Variants in ZNF705G observed in about 807,000 individuals in gnomAD.
ZNF705G encodes zinc finger protein 705G.
A neutral mutation model predicts 19.6 loss-of-function variants in ZNF705G; 23 were observed. That is an observed-to-expected ratio of 1.17 (90% CI 0.84 to 1.66). The LOEUF (loss-of-function observed/expected upper bound fraction) is 1.66. Among genes scored for constraint, ZNF705G ranks in the 40% most tolerant of loss-of-function variants. ZNF705G has a pLI of 0.00. For missense variants in ZNF705G, 457 were observed against 354.4 expected, an observed-to-expected ratio of 1.29 and a Z score of -2.32; for synonymous variants, 146 against 117.7, an observed-to-expected ratio of 1.24 and a Z score of -1.56.
chr8:7,383,546 G>C (rs1183069046), intron 1 of ZNF705G, among the ~76,000 whole-genome samples: 1 of 146,586 alleles, frequency 6.8e-6, no homozygotes, highest in Non-Finnish European at 1.5e-5. Context: ...GACAGAGGGA[G>C]GAAGGAGGTA....
At chr8:7,382,120 A>C (rs1224207874) in intron 1 of ZNF705G, among the ~76,000 whole-genome samples, 13 of 151,508 alleles carry the variant, frequency 8.6e-5, no homozygotes, top group Admixed American at 3.3e-4. Context: ...AGCATCCTTT[A>C]GTGGTGATGC....
chr8:7,381,711 A>T (rs1807505934), intron 1 of ZNF705G, 110 bp from the exon 2 acceptor site: 2 of 148,652 alleles, frequency 1.3e-5, no homozygotes, highest in African/African-American at 5.3e-5. Context: ...CATGGACATA[A>T]ATATGGTAAT....
intron 2 of ZNF705G, among the ~76,000 whole-genome samples, chr8:7,366,414 A>G (rs1806859957): frequency 6.7e-6 from 1 of 149,676 alleles, no homozygotes; most frequent in Non-Finnish European, 1.5e-5. Context: ...AGGAGAGAGG[A>G]AAAATCTCAC....
At chr8:7,364,323 T>C (rs988883825) in intron 2 of ZNF705G, among the ~76,000 whole-genome samples, 3 of 149,602 alleles carry the variant, frequency 2.0e-5, no homozygotes. Flanking sequence ...TTATGTGTCA[T>C]AAACAAAAAA....
In ZNF705G at chr8:7,357,534, A is replaced by G; in HGVS notation, c.*442T>C. 2 of 207,444 alleles carry G rather than the reference A, an allele frequency of 9.6e-6. No homozygotes were observed. Among genetic ancestry groups the G allele is most frequent in the Admixed American group, 5.2e-5 (1 of 19,368 alleles). The allele number at this position is 207,444 out of a possible 1,614,324, so 12.9% of individuals were successfully genotyped here. ...GAGATTCTCTACCTGAAAGTCCCACATGTTTTAAGTTATAGCTGTTGCTGA... is the reference window on the plus strand; with the variant it reads ...GAGATTCTCTACCTGAAAGTCCCACGTGTTTTAAGTTATAGCTGTTGCTGA... On this transcript the variant is annotated 3_prime_UTR_variant, in exon 7 of 7. Transcript: ENST00000400156.
Position 7,360,263 on chromosome 8 carries a change from C to G in ZNF705G, c.209G>C (p.Arg70Thr). Residue 70 changes from arginine to threonine, a missense_variant, in exon 5 of 7, where the codon AGA becomes ACA. By Grantham distance (71) the Arg-to-Thr change is moderately conservative. Coordinates refer to ENST00000400156, the MANE Select transcript of ZNF705G (RefSeq NM_001164457.3). ...TGGATTCTGGTCTTGAAGAAATACTCTTCCTTCCCTCCACAGCTCTTTTCC... is the reference window on the plus strand; with the variant it reads ...TGGATTCTGGTCTTGAAGAAATACTGTTCCTTCCCTCCACAGCTCTTTTCC... ...EQGKELWREG[R>T]VFLQDQNPNR... The G allele has an allele frequency of 2.5e-6, 4 of 1,592,268 alleles. No homozygotes were observed. In the South Asian group the frequency reaches 4.4e-5, roughly 18 times the overall value.
intron 2 of ZNF705G, among the ~76,000 whole-genome samples, chr8:7,370,554 T>A (rs1456529014): frequency 2.7e-5 from 4 of 146,972 alleles, no homozygotes; most frequent in Non-Finnish European, 5.9e-5. Flanking sequence ...AAAAATTTTT[T>A]AAATAAAACT....
intron 2 of ZNF705G, among the ~76,000 whole-genome samples, chr8:7,365,027 G>T (rs1393988933): frequency 1.3e-5 from 2 of 149,550 alleles, no homozygotes; most frequent in Non-Finnish European, 2.9e-5. Flanking sequence ...ACCCAAACAT[G>T]AATGAAAAGT....
chr8:7,361,848 C>A (rs573881170), intron 3 of ZNF705G, among the ~76,000 whole-genome samples: 6 of 149,820 alleles, frequency 4.0e-5, no homozygotes, highest in South Asian at 2.1e-4. Flanking sequence ...TTCTTCAGAA[C>A]TGAACAAGCT....
rs1182654013 is a variant in ZNF705G at position 7,368,827 on chromosome 8, C to T, written c.-71-5810G>A. On this transcript the variant is annotated intron_variant, in intron 2 of 6. Coordinates refer to ENST00000400156, the MANE Select transcript of ZNF705G (RefSeq NM_001164457.3). ...GCTCCAGCCATGGCTAAAAGGGCCCCAGACATTGTTTGGGCCACCGCTTTA... is the reference window on the plus strand; with the variant it reads ...GCTCCAGCCATGGCTAAAAGGGCCCTAGACATTGTTTGGGCCACCGCTTTA... Among the ~76,000 whole-genome samples the T allele has an allele frequency of 1.3e-5, 2 of 149,524 alleles. 1 individual carries two copies. Among genetic ancestry groups the T allele is most frequent in the African/African-American group, 5.1e-5 (2 of 38,908 alleles).
At chr8:7,369,180 C>G (rs1412450820) in intron 2 of ZNF705G, among the ~76,000 whole-genome samples, 1 of 149,370 alleles carries the variant, frequency 6.7e-6, no homozygotes, top group East Asian at 1.9e-4. Context: ...GCCACTGGGT[C>G]ACCCCACAAC....
chr8:7,380,619 A>C (rs1807446320), intron 2 of ZNF705G, among the ~76,000 whole-genome samples: 1 of 146,496 alleles, frequency 6.8e-6, no homozygotes, highest in African/African-American at 2.8e-5. Context: ...TGCACATGCC[A>C]TCTGGGGTCA....
intron 2 of ZNF705G, among the ~76,000 whole-genome samples, chr8:7,379,081 C>T (rs568595515): frequency 1.3e-5 from 2 of 150,744 alleles, no homozygotes; most frequent in Admixed American, 1.3e-4. Flanking sequence ...TAGTGGGGGG[C>T]CTCCCCTTGG....
chr8:7,379,330 T>C (rs1479659366), intron 2 of ZNF705G, among the ~76,000 whole-genome samples: 2 of 147,408 alleles, frequency 1.4e-5, no homozygotes, highest in Non-Finnish European at 2.9e-5. Context: ...TCACCAACTG[T>C]CCCTTTAATA....
chr8:7,371,669 G>C (rs1197869784), intron 2 of ZNF705G, among the ~76,000 whole-genome samples: 1 of 91,478 alleles, frequency 1.1e-5, no homozygotes, highest in African/African-American at 3.7e-5. Context: ...ACAAGAGGGG[G>C]TTGGTTAAAA....
intron 3 of ZNF705G, 72 bp from the exon 4 acceptor site, chr8:7,361,308 G>C: frequency 4.4e-6 from 7 of 1,591,296 alleles, no homozygotes; most frequent in Middle Eastern, 2.3e-4. Flanking sequence ...AGGCTGAGAT[G>C]ACATAGCTAG....
intron 1 of ZNF705G, among the ~76,000 whole-genome samples, chr8:7,384,208 GT>G (rs1479615794): frequency 7.2e-6 from 1 of 138,594 alleles, no homozygotes; most frequent in Non-Finnish European, 1.5e-5. Context: ...GAGTGATCTT[GT>G]GCAAATAATT....
chr8:7,357,904 A>G lies in ZNF705G; in HGVS notation c.*72T>C. On this transcript the variant is annotated 3_prime_UTR_variant, in exon 7 of 7. Coordinates refer to ENST00000400156, the MANE Select transcript of ZNF705G (RefSeq NM_001164457.3). ...GAATTTTCTGATGCTCTTTAAGATTAGTACATTGTCTGAAGGCTTTCCCAC... is the reference window on the plus strand; with the variant it reads ...GAATTTTCTGATGCTCTTTAAGATTGGTACATTGTCTGAAGGCTTTCCCAC... The G allele has an allele frequency of 8.8e-6, 14 of 1,592,394 alleles. No homozygotes were observed. In the South Asian group the frequency reaches 9.1e-5, roughly 10 times the overall value.
In ZNF705G at chr8:7,369,945, T is replaced by C. The variant is rs568174061; in HGVS notation, c.-71-6928A>G. Among the ~76,000 whole-genome samples the C allele has an allele frequency of 6.0e-5, 9 of 149,218 alleles. No individual in the cohort carries two copies. The South Asian group carries it at 1.9e-3, about 31-fold the overall frequency. On this transcript the variant is annotated intron_variant, in intron 2 of 6. Coordinates refer to ENST00000400156, the MANE Select transcript of ZNF705G (RefSeq NM_001164457.3). ...AAACTATCTATTGGGTATTATGTTT[T>C]CTATCTGGGTTACAAGATCATTCAT...
Sources: allele counts gnomAD v4.1 joint callset (sites outside exome capture counted in the v4.1 genomes callset), GRCh38; gene constraint gnomAD v4.1.1; transcripts MANE v1.5; gene names NCBI Gene and HGNC (gene_info 2026-07-23, HGNC 2026-07-21).